PPP2R3A: variants seen among roughly 807,000 people sequenced by gnomAD.
PPP2R3A encodes protein phosphatase 2 regulatory subunit B''alpha.
PPP2R3A carries 80 observed loss-of-function variants against 106.9 expected under a neutral mutation model. The ratio of observed to expected loss-of-function variants is 0.75; its 90% CI spans 0.62 to 0.90. The LOEUF (loss-of-function observed/expected upper bound fraction) is 0.90, where lower values mean the gene tolerates loss of function less well. Ranked by LOEUF, PPP2R3A falls within the 40% of genes least tolerant of loss-of-function variation. The pLI, the probability that PPP2R3A is intolerant of heterozygous loss-of-function variation, is 0.00. For missense variants in PPP2R3A, 1,386 were observed against 1,350.4 expected (o/e 1.03, Z -0.41); for synonymous variants, 483 against 468.3 (o/e 1.03, Z -0.41).
intron 2 of PPP2R3A, among the ~76,000 whole-genome samples, chr3:136,016,131 G>A (rs1266182238): frequency 2.0e-5 from 3 of 151,930 alleles, no homozygotes; most frequent in Non-Finnish European, 2.9e-5. Flanking sequence ...TGGTTTTGAG[G>A]GTTCCTTTTG....
intron 1 of PPP2R3A, among the ~76,000 whole-genome samples, chr3:135,971,682 CTT>C (rs1467649085): frequency 6.6e-6 from 1 of 152,172 alleles, no homozygotes; most frequent in Non-Finnish European, 1.5e-5. Flanking sequence ...TAAAGGATGA[CTT>C]TGTGACATGA....
In PPP2R3A at chr3:136,079,162, T is replaced by C. The variant is rs867278083; in HGVS notation, c.2631+709T>C. ...TCATCTGAGACAGAGTAATGAAGAC[T>C]TGGCAAAATTAGCAGTCCATGATGG... On this transcript the variant is annotated intron_variant, in intron 7 of 13. Coordinates refer to ENST00000264977, the MANE Select transcript of PPP2R3A (RefSeq NM_002718.5). 3 of 455,138 alleles carry C rather than the reference T, an allele frequency of 6.6e-6. No homozygotes were observed. The Middle Eastern group carries it at 9.8e-4, about 149-fold the overall frequency. 28.2% of individuals were successfully genotyped at this position (455,138 alleles called of 1,614,324 possible).
In PPP2R3A at chr3:135,986,793, A is replaced by G. The variant is rs1420317180; in HGVS notation, c.-440-14266A>G. Among the ~76,000 whole-genome samples the G allele has an allele frequency of 2.0e-5, 3 of 152,166 alleles. No individual in the cohort carries two copies. The South Asian group carries it at 6.2e-4, about 32-fold the overall frequency. On this transcript the variant is annotated intron_variant, in intron 1 of 13. Transcript: ENST00000264977. Reference sequence around the variant, plus strand: ...GTGTCATCAGCTTTCCTTTCTTCTGAACCATTCTCTTGTGCATGAACATAT... The same window carrying G: ...GTGTCATCAGCTTTCCTTTCTTCTGGACCATTCTCTTGTGCATGAACATAT...
Position 135,990,520 on chromosome 3 carries a change from GGAGTACTT to G in PPP2R3A, c.-440-10538_-440-10531del, listed in dbSNP as rs1933115022. ...GTTTTCTGTAATGCCCTGAACATTTGGAGTACTTAATATAAATTAATGAATAAAGTCCT... is the reference window on the plus strand; with the variant it reads ...GTTTTCTGTAATGCCCTGAACATTTGAATATAAATTAATGAATAAAGTCCT... On this transcript the variant is annotated intron_variant, in intron 1 of 13. Coordinates refer to ENST00000264977, the MANE Select transcript of PPP2R3A (RefSeq NM_002718.5). 3.3e-5 allele frequency among the ~76,000 whole-genome samples: 5 copies of G among 151,920 alleles called. No individual in the cohort carries two copies. The South Asian group carries it at 1.0e-3, about 32-fold the overall frequency.
At chr3:136,034,039 C>CTTT (rs71157353) in intron 3 of PPP2R3A, among the ~76,000 whole-genome samples, 2 of 131,392 alleles carry the variant, frequency 1.5e-5, no homozygotes, top group East Asian at 2.2e-4. Context: ...TTTTCTTTTT[C>CTTT]TTTTTTTTTT....
At chr3:136,005,279 G>A (rs571148360) in intron 2 of PPP2R3A, among the ~76,000 whole-genome samples, 3 of 152,114 alleles carry the variant, frequency 2.0e-5, no homozygotes, top group Non-Finnish European at 4.4e-5. Context: ...ATCCCATTAT[G>A]TATATGCAGA....
At chr3:136,136,045 C>G (rs1295122207) in intron 13 of PPP2R3A, among the ~76,000 whole-genome samples, 1 of 22,364 alleles carries the variant, frequency 4.5e-5, no homozygotes, top group East Asian at 1.7e-3. Context: ...GACTCCGTCT[C>G]AAAAAAAAAA....
chr3:136,046,136 C>A (rs748024103), intron 4 of PPP2R3A, among the ~76,000 whole-genome samples: 1 of 151,702 alleles, frequency 6.6e-6, no homozygotes, highest in Non-Finnish European at 1.5e-5. Context: ...GTGTTCACGC[C>A]ATTGTACTCC....
At chr3:136,096,793 G>C (rs538811516) in intron 10 of PPP2R3A, among the ~76,000 whole-genome samples, 1 of 152,246 alleles carries the variant, frequency 6.6e-6, no homozygotes, top group Non-Finnish European at 1.5e-5. Flanking sequence ...ATTTCATTCA[G>C]TCCAAGGAAA....
In PPP2R3A at chr3:136,068,088, C is replaced by G. The variant is rs558061686; in HGVS notation, c.2470-2390C>G. Among the ~76,000 whole-genome samples, 3 of 152,212 alleles carry G rather than the reference C, an allele frequency of 2.0e-5. No homozygotes were observed. The East Asian group carries it at 5.8e-4, about 29-fold the overall frequency. On this transcript the variant is annotated intron_variant, in intron 5 of 13. Coordinates refer to ENST00000264977, the MANE Select transcript of PPP2R3A (RefSeq NM_002718.5). ...AAAAAACAAAAACGGCATGGTGGCA[C>G]ACACCTGTAGTTCCAGCTACTCAGG...
In PPP2R3A at chr3:136,011,974, T is replaced by TAC. The variant is rs961223158; in HGVS notation, c.1995+8499_1995+8500dup. Among the ~76,000 whole-genome samples, 515 of 136,606 alleles carry TAC rather than the reference T, an allele frequency of 3.8e-3. 1 individual carries two copies. The highest frequency in any genetic ancestry group is 8.3e-3 in the African/African-American group (267 of 32,318). The allele number at this position is 136,606 out of a possible 152,430, so 89.6% of individuals were successfully genotyped here. A position where few individuals can be genotyped will look rare whatever the true frequency, so the allele number is the denominator to read the frequency against. ...CCCACCCACAATTACTGAGAAATCA[T>TAC]ACACACACACACACACACATACACA... On this transcript the variant is annotated intron_variant, in intron 2 of 13. Transcript: ENST00000264977.
At chr3:136,011,944 C>T (rs1369707012) in intron 2 of PPP2R3A, among the ~76,000 whole-genome samples, 1 of 151,548 alleles carries the variant, frequency 6.6e-6, no homozygotes, top group East Asian at 1.9e-4. Context: ...TCTGTGAGTT[C>T]AACTCCCACC....
intron 1 of PPP2R3A, among the ~76,000 whole-genome samples, chr3:135,995,166 T>TG (rs570147368): frequency 1.1e-4 from 16 of 152,106 alleles, no homozygotes; most frequent in Middle Eastern, 3.4e-3. Flanking sequence ...ACCAAAAGCC[T>TG]GGGGGGGTGG....
intron 2 of PPP2R3A, among the ~76,000 whole-genome samples, chr3:136,024,642 G>C (rs557676844): frequency 6.6e-6 from 1 of 152,264 alleles, no homozygotes; most frequent in Non-Finnish European, 1.5e-5. Context: ...TTTCCCACTA[G>C]TATGTATTCA....
intron 2 of PPP2R3A, chr3:136,023,310 C>A: frequency 1.1e-6 from 1 of 901,396 alleles, no homozygotes; most frequent in East Asian, 2.6e-5. Context: ...TTTACAGCTC[C>A]CTTGTATCTT....
intron 5 of PPP2R3A, among the ~76,000 whole-genome samples, chr3:136,068,324 A>C (rs1936322960): frequency 6.6e-6 from 1 of 152,100 alleles, no homozygotes; most frequent in African/African-American, 2.4e-5. Context: ...TAACCCATAG[A>C]ATGAAATAAA....
At chr3:136,132,060 T>C (rs1938448431) in intron 13 of PPP2R3A, among the ~76,000 whole-genome samples, 1 of 151,984 alleles carries the variant, frequency 6.6e-6, no homozygotes, top group South Asian at 2.1e-4. Flanking sequence ...AGATACCTAA[T>C]GTAAATGATG....
At chr3:135,986,538 A>G (rs1441398816) in intron 1 of PPP2R3A, among the ~76,000 whole-genome samples, 2 of 151,748 alleles carry the variant, frequency 1.3e-5, no homozygotes, top group South Asian at 2.1e-4. Flanking sequence ...ATTTTCTGTC[A>G]GTTTCATCTC....
intron 1 of PPP2R3A, among the ~76,000 whole-genome samples, chr3:135,998,049 G>T (rs1210920299): frequency 6.6e-6 from 1 of 152,146 alleles, no homozygotes; most frequent in Non-Finnish European, 1.5e-5. Flanking sequence ...AGCATACAAA[G>T]GCCAACTGTG....
Sources: allele counts gnomAD v4.1 joint callset (sites outside exome capture counted in the v4.1 genomes callset), GRCh38; gene constraint gnomAD v4.1.1; transcripts MANE v1.5; gene names NCBI Gene and HGNC (gene_info 2026-07-23, HGNC 2026-07-21).